CADM2: variants seen among roughly 807,000 people sequenced by gnomAD.
The protein encoded by CADM2 is immunoglobulin superfamily member 4D.
In CADM2, 12 loss-of-function variants were observed where a neutral mutation model predicts 49.8. That is an observed-to-expected ratio of 0.24 (90% CI 0.15 to 0.39). The LOEUF is 0.39. Among genes scored for constraint, CADM2 ranks in the 10% least tolerant of loss-of-function variants. CADM2 has a pLI of 1.00. For synonymous variants in CADM2, 214 were observed against 175.4 expected (o/e 1.22, Z -1.74); for missense variants, 378 against 492.3 (o/e 0.77, Z 2.20).
chr3:85,728,527 T>C (rs1379279184), intron 2 of CADM2, among the ~76,000 whole-genome samples: 4 of 151,712 alleles, frequency 2.6e-5, no homozygotes, highest in South Asian at 2.1e-4. Flanking sequence ...TGAAGGCAAA[T>C]GGTCTTCAAA....
intron 1 of CADM2, among the ~76,000 whole-genome samples, chr3:85,494,091 T>C (rs1006032633): frequency 6.6e-6 from 1 of 152,152 alleles, no homozygotes; most frequent in Non-Finnish European, 1.5e-5. Context: ...CTTTATAAAC[T>C]TTTCGGATAG....
intron 1 of CADM2, among the ~76,000 whole-genome samples, chr3:85,235,164 T>C (rs2042382892): frequency 6.6e-6 from 1 of 152,164 alleles, no homozygotes; most frequent in Non-Finnish European, 1.5e-5. Flanking sequence ...TTGGATTTAT[T>C]TGAGATAAAA....
At chr3:85,073,463 A>C (rs906440509) in intron 1 of CADM2, among the ~76,000 whole-genome samples, 3 of 152,152 alleles carry the variant, frequency 2.0e-5, no homozygotes, top group Admixed American at 1.3e-4. Context: ...ATGGTTATTC[A>C]AAATAATTTG....
At chr3:85,642,011 T>C (rs2064732728) in intron 1 of CADM2, among the ~76,000 whole-genome samples, 1 of 152,090 alleles carries the variant, frequency 6.6e-6, no homozygotes, top group South Asian at 2.1e-4. Context: ...TTCCATCTCC[T>C]TGACCTTCAA....
chr3:85,376,533 A>C (rs2033602197), intron 1 of CADM2, among the ~76,000 whole-genome samples: 1 of 152,114 alleles, frequency 6.6e-6, no homozygotes, highest in Non-Finnish European at 1.5e-5. Flanking sequence ...AGCAACTAAA[A>C]ATTTAGTAGT....
intron 7 of CADM2, among the ~76,000 whole-genome samples, 153 bp from the exon 8 acceptor site, chr3:85,961,316 G>A (rs1559768474): frequency 6.6e-6 from 1 of 151,830 alleles, no homozygotes; most frequent in Non-Finnish European, 1.5e-5. Flanking sequence ...ACTCTTTTGA[G>A]TGAGTGTGTG....
At chr3:85,948,116 A>C (rs775375492) in intron 7 of CADM2, among the ~76,000 whole-genome samples, 2 of 151,542 alleles carry the variant, frequency 1.3e-5, no homozygotes, top group African/African-American at 4.8e-5. Flanking sequence ...AATTTTTGAG[A>C]TTACATTTAA....
intron 1 of CADM2, among the ~76,000 whole-genome samples, chr3:85,026,761 A>G (rs1371803850): frequency 1.3e-5 from 2 of 152,306 alleles, no homozygotes; most frequent in East Asian, 1.9e-4. Flanking sequence ...TCAGAACTGC[A>G]AACACTTTTT....
chr3:85,834,911 A>C (rs938028536), intron 3 of CADM2, among the ~76,000 whole-genome samples: 2 of 151,694 alleles, frequency 1.3e-5, no homozygotes, highest in Non-Finnish European at 3.0e-5. Context: ...TAAATGACAC[A>C]GCTGAAATCT....
chr3:85,149,359 G>A (rs530946758), intron 1 of CADM2, among the ~76,000 whole-genome samples: 1 of 152,162 alleles, frequency 6.6e-6, no homozygotes, highest in East Asian at 1.9e-4. Flanking sequence ...ATACTCTTCA[G>A]TTCATTATAA....
At position 85,021,135 on chromosome 3, in the gene CADM2, G is replaced by T. The variant is rs575907506; in HGVS notation, c.61+61467G>T. On this transcript the variant is annotated intron_variant, in intron 1 of 9. Transcript: ENST00000383699. ...CTGTCTCAAAAAAAAAAAAAAAAAG[G>T]GGGAAAAAAAAGAAAAAAAGAGAAG... 4.8e-3 allele frequency among the ~76,000 whole-genome samples: 712 copies of T among 147,772 alleles called. 6 individuals carry two copies. Among genetic ancestry groups the T allele is most frequent in the Middle Eastern group, 0.021 (6 of 288 alleles).
At chr3:85,026,302 C>G (rs1453362268) in intron 1 of CADM2, among the ~76,000 whole-genome samples, 2 of 152,040 alleles carry the variant, frequency 1.3e-5, no homozygotes, top group Non-Finnish European at 2.9e-5. Flanking sequence ...TTGTTACATA[C>G]TAAATAGTAT....
rs1462004171 is a variant in CADM2, at chr3:85,448,396, A to T, written c.62-278126A>T. Among the ~76,000 whole-genome samples, 2 of 151,456 alleles carry T rather than the reference A, an allele frequency of 1.3e-5. 1 individual carries two copies. On this transcript the variant is annotated intron_variant, in intron 1 of 9. Coordinates refer to ENST00000383699, the MANE Select transcript of CADM2 (RefSeq NM_001167675.2). The stretch of plus-strand genomic sequence containing the variant: ...CTCACTCCATTTTGACATATAGTTG[A>T]TATTTTTATGACTCTTAACAAAGAT...
At chr3:85,359,001 A>G (rs2032105115) in intron 1 of CADM2, among the ~76,000 whole-genome samples, 1 of 152,280 alleles carries the variant, frequency 6.6e-6, no homozygotes, top group Admixed American at 6.5e-5. Context: ...GTAAACTCAA[A>G]CAAATGTAAA....
chr3:85,933,367 A>G (rs957323890), intron 6 of CADM2, among the ~76,000 whole-genome samples: 1 of 152,040 alleles, frequency 6.6e-6, no homozygotes, highest in African/African-American at 2.4e-5. Context: ...ATTGAATTCA[A>G]TTTGCTTTGC....
At chr3:85,055,267 T>C (rs1271958103) in intron 1 of CADM2, among the ~76,000 whole-genome samples, 1 of 152,028 alleles carries the variant, frequency 6.6e-6, no homozygotes, top group Non-Finnish European at 1.5e-5. Flanking sequence ...TAAAACCACA[T>C]GTTAGGGCTT....
intron 1 of CADM2, among the ~76,000 whole-genome samples, chr3:85,152,667 A>C (rs929391619): frequency 1.3e-5 from 2 of 152,118 alleles, no homozygotes; most frequent in African/African-American, 4.8e-5. Context: ...TGTTTATATT[A>C]AAATGTAAGG....
At chr3:86,025,731 T>C (rs563791305) in intron 8 of CADM2, among the ~76,000 whole-genome samples, 1 of 152,284 alleles carries the variant, frequency 6.6e-6, no homozygotes, top group East Asian at 1.9e-4. Context: ...CAAATATGAC[T>C]TTTATTGCAC....
In CADM2 at chr3:85,569,279, G is replaced by A. The variant is rs143697963; in HGVS notation, c.62-157243G>A. On this transcript the variant is annotated intron_variant, in intron 1 of 9. Transcript: ENST00000383699. ...CATGTAAATTGTTGCACCTATCAGC[G>A]GCTTGTTTCTTTTTCTTGCTGACTG... 4.9e-4 allele frequency among the ~76,000 whole-genome samples: 74 copies of A among 152,076 alleles called. 1 individual carries two copies. In the East Asian group the frequency reaches 0.013, roughly 27 times the overall value.
Sources: gnomAD v4.1 joint callset for allele counts (sites outside exome capture counted in the v4.1 genomes callset) on GRCh38, gnomAD v4.1.1 for gene constraint, MANE v1.5 for transcripts, NCBI Gene and HGNC (gene_info 2026-07-23, HGNC 2026-07-21) for gene names.